The following ZNF723 variants were observed in gnomAD, a reference collection of about 807,000 sequenced individuals.
ZNF723 encodes zinc finger protein 723, pseudogene.
Under a neutral mutation model 9.4 loss-of-function variants are expected in ZNF723, and 5 were observed. The observed-to-expected ratio is 0.53, with a 90% CI of 0.28 to 1.12. ZNF723 has a LOEUF of 1.12. Among genes scored for constraint, ZNF723 ranks in the 50% most tolerant of loss-of-function variants. The pLI is 0.10. For missense variants in ZNF723, 450 were observed against 501.5 expected (o/e 0.90, Z 0.98); for synonymous variants, 158 against 168.8 (o/e 0.94, Z 0.49).
chr19:22,816,848 C>A, the ZNF723 span, among the ~76,000 whole-genome samples: 1 of 152,256 alleles, frequency 6.6e-6, no homozygotes, highest in Admixed American at 6.5e-5. Context: ...ATCCTCCAGC[C>A]TTTCCTCTGC....
In ZNF723 at chr19:22,858,108, T is replaced by C; in HGVS notation, c.1217T>C (p.Phe406Ser). Residue 406 changes from phenylalanine (F) to serine (S), a missense_variant, in exon 4 of 4, where the codon TTT (phenylalanine) becomes TCT (serine). Phe to Ser is a radical substitution (Grantham distance 155). Around this residue, in one of 5 missense-constraint regions of ZNF723, gnomAD observed 237 missense variants for 332.2 expected, o/e 0.71. Transcript: ENST00000600766. ...AAATGTGAAGAATGTGGCAAAGCCT[T>C]TAACCAATCCTCAGCCCTTACTACA... ...PYKCEECGKA[F>S]NQSSALTTHK... 2 of 1,477,602 alleles carry C rather than the reference T, an allele frequency of 1.4e-6. No homozygotes were observed. Among genetic ancestry groups the C allele is most frequent in the Non-Finnish European group, 1.9e-6 (2 of 1,056,832 alleles). The allele number at this position is 1,477,602 out of a possible 1,614,324, so 91.5% of individuals were successfully genotyped here. A position where few individuals can be genotyped will look rare whatever the true frequency, so the allele number is the denominator to read the frequency against.
chr19:22,813,640 C>A, the ZNF723 span, among the ~76,000 whole-genome samples: 2 of 151,592 alleles, frequency 1.3e-5, no homozygotes, highest in Non-Finnish European at 2.9e-5. Flanking sequence ...GCTTGGGAGG[C>A]TGAGGCAGGA....
chr19:22,832,339 G>C lies in ZNF723; in HGVS notation c.-41G>C. The C allele has an allele frequency of 2.2e-6, 3 of 1,383,602 alleles. No homozygotes were observed. The East Asian group carries it at 7.9e-5, about 36-fold the overall frequency. The allele number at this position is 1,383,602 out of a possible 1,614,324, so 85.7% of individuals were successfully genotyped here. On this transcript the variant is annotated 5_prime_UTR_variant, in exon 1 of 4. Transcript: ENST00000600766. The stretch of plus-strand genomic sequence containing the variant: ...GCCTCCTGACCTACATGCATTGGGA[G>C]ATCCACAGCTAAGACGCCAGGACTC...
At chr19:22,818,300 G>A in the ZNF723 span, among the ~76,000 whole-genome samples, 1 of 152,088 alleles carries the variant, frequency 6.6e-6, no homozygotes, top group Non-Finnish European at 1.5e-5. Flanking sequence ...TTCACACACA[G>A]ATGACACTAA....
At chr19:22,812,294 A>T in the ZNF723 span, among the ~76,000 whole-genome samples, 1 of 152,120 alleles carries the variant, frequency 6.6e-6, no homozygotes, top group East Asian at 1.9e-4. Flanking sequence ...TTGTGTGCAC[A>T]CCCTGTCATC....
chr19:22,844,780 A>G (rs905635556), intron 1 of ZNF723, among the ~76,000 whole-genome samples: 3 of 152,174 alleles, frequency 2.0e-5, no homozygotes, highest in Non-Finnish European at 4.4e-5. Flanking sequence ...TAATGCTAAT[A>G]ATGAGCCCAG....
At chr19:22,814,257 G>A in the ZNF723 span, among the ~76,000 whole-genome samples, 3 of 152,142 alleles carry the variant, frequency 2.0e-5, no homozygotes, top group Non-Finnish European at 4.4e-5. Flanking sequence ...TCTCAGACTC[G>A]ATTGTAACTC....
At chr19:22,822,886 C>T in the ZNF723 span, among the ~76,000 whole-genome samples, 1 of 152,120 alleles carries the variant, frequency 6.6e-6, no homozygotes, top group Non-Finnish European at 1.5e-5. Context: ...TTGTGATTCT[C>T]ATAGGCATAC....
intron 3 of ZNF723, among the ~76,000 whole-genome samples, chr19:22,852,135 T>C (rs574205450): frequency 1.3e-5 from 2 of 152,284 alleles, no homozygotes; most frequent in African/African-American, 4.8e-5. Flanking sequence ...TCAGTTTTTG[T>C]TTCTTCAAGT....
chr19:22,854,163 A>C (rs906126856), intron 3 of ZNF723, among the ~76,000 whole-genome samples: 3 of 152,086 alleles, frequency 2.0e-5, no homozygotes, highest in African/African-American at 7.2e-5. Context: ...ATACACACAC[A>C]CACACACACA....
At chr19:22,814,044 T>A in the ZNF723 span, among the ~76,000 whole-genome samples, 1 of 152,018 alleles carries the variant, frequency 6.6e-6, no homozygotes, top group Non-Finnish European at 1.5e-5. Context: ...GATCTTATGA[T>A]CTTATGATCC....
chr19:22,812,797 T>G, the ZNF723 span, among the ~76,000 whole-genome samples: 5 of 152,108 alleles, frequency 3.3e-5, no homozygotes, highest in Admixed American at 3.3e-4. Context: ...CACAGGTGGG[T>G]TGGTGATGCT....
intron 3 of ZNF723, among the ~76,000 whole-genome samples, chr19:22,855,071 A>T (rs758534117): frequency 5.9e-5 from 9 of 151,926 alleles, no homozygotes; most frequent in Non-Finnish European, 1.0e-4. Context: ...TTCTTCCTCA[A>T]ATTTTTTATT....
At chr19:22,856,365 G>T (rs1247113524) in intron 3 of ZNF723, among the ~76,000 whole-genome samples, 2 of 151,894 alleles carry the variant, frequency 1.3e-5, no homozygotes, top group African/African-American at 4.8e-5. Flanking sequence ...TTCTGTAGTT[G>T]TCTGTGTTTC....
At chr19:22,842,906 T>C (rs1377772466) in intron 1 of ZNF723, among the ~76,000 whole-genome samples, 1 of 152,236 alleles carries the variant, frequency 6.6e-6, no homozygotes, top group Non-Finnish European at 1.5e-5. Flanking sequence ...TTAAAGTTCC[T>C]CTTTGAGAAT....
At chr19:22,814,939 A>G in the ZNF723 span, among the ~76,000 whole-genome samples, 1 of 152,040 alleles carries the variant, frequency 6.6e-6, no homozygotes, top group South Asian at 2.1e-4. Flanking sequence ...AGATTGTGAT[A>G]TGTCACTGGG....
chr19:22,841,576 C>A (rs1219015623), intron 1 of ZNF723, among the ~76,000 whole-genome samples: 1 of 152,188 alleles, frequency 6.6e-6, no homozygotes, highest in Non-Finnish European at 1.5e-5. Context: ...AAGATGCCAA[C>A]CAAGCTTTAC....
intron 3 of ZNF723, among the ~76,000 whole-genome samples, chr19:22,854,227 C>T (rs1477006545): frequency 6.6e-6 from 1 of 151,970 alleles, no homozygotes; most frequent in Non-Finnish European, 1.5e-5. Context: ...CCTTCTTTGT[C>T]TCCATATAGT....
At chr19:22,827,442 T>TTTG (rs1555737917), upstream of ZNF723, among the ~76,000 whole-genome samples, 38,968 of 130,090 alleles carry the variant, frequency 0.3, 5,712 homozygotes, top group African/African-American at 0.43. Context: ...TTTTTTGTTT[T>TTTG]TTTGTTTGTT....
Sources: allele counts gnomAD v4.1 joint callset (sites outside exome capture counted in the v4.1 genomes callset), GRCh38; gene constraint gnomAD v4.1.1; regional missense constraint gnomAD v4.1.1; transcripts MANE v1.5; gene names NCBI Gene and HGNC (gene_info 2026-07-23, HGNC 2026-07-21).